DAPK2: variants seen among roughly 807,000 people sequenced by gnomAD.
The protein encoded by DAPK2 is death associated protein kinase 2.
DAPK2 carries 35 observed loss-of-function variants against 44.1 expected under a neutral mutation model. The ratio of observed to expected loss-of-function variants is 0.79; its 90% CI spans 0.61 to 1.05. The LOEUF is 1.05. Among genes scored for constraint, DAPK2 ranks in the 50% least tolerant of loss-of-function variants. The pLI, the probability that DAPK2 is intolerant of heterozygous loss-of-function variation, is 0.00. For missense variants in DAPK2, 453 were observed against 483.2 expected (o/e 0.94, Z 0.59); for synonymous variants, 174 against 182.6 (o/e 0.95, Z 0.38).
intron 1 of DAPK2, among the ~76,000 whole-genome samples, chr15:64,028,755 A>G (rs1452814426): frequency 3.3e-5 from 5 of 152,150 alleles, no homozygotes; most frequent in African/African-American, 1.2e-4. Flanking sequence ...ATACGTAGGT[A>G]GGCAGGTAGA....
intron 1 of DAPK2, among the ~76,000 whole-genome samples, chr15:63,995,030 ATGGC>A (rs1302564367): frequency 6.6e-6 from 1 of 152,176 alleles, no homozygotes; most frequent in Admixed American, 6.5e-5. Flanking sequence ...CTAATTTTAA[ATGGC>A]TGTATAATAT....
chr15:63,994,345 C>T (rs2078891549), intron 1 of DAPK2, among the ~76,000 whole-genome samples: 1 of 151,758 alleles, frequency 6.6e-6, no homozygotes, highest in Non-Finnish European at 1.5e-5. Flanking sequence ...CCTTCATTGG[C>T]AGACTCACTT....
At position 63,911,175 on chromosome 15, in the gene DAPK2, C is replaced by T. The variant is rs191118742; in HGVS notation, c.1032+733G>A. 263 of 150,372 alleles carry T rather than the reference C, an allele frequency of 1.7e-3. 2 individuals carry two copies. Among genetic ancestry groups the T allele is most frequent in the Non-Finnish European group, 3.0e-3 (204 of 68,120 alleles). The allele number at this position is 150,372 out of a possible 1,614,324, so 9.3% of individuals were successfully genotyped here. ...CAGAGGTTGCGGTGAGCCGAGATCGCGCCATTGCACTCCAACCTAAGCAAT... is the reference window on the plus strand; with the variant it reads ...CAGAGGTTGCGGTGAGCCGAGATCGTGCCATTGCACTCCAACCTAAGCAAT... On this transcript the variant is annotated intron_variant, in intron 10 of 10. Transcript: ENST00000261891.
exon 2 of DAPK2, chr15:63,983,636 TCTC>T: frequency 6.2e-7 from 1 of 1,614,150 alleles, no homozygotes; most frequent in Non-Finnish European, 8.5e-7. Flanking sequence ...TCCCGCTCGA[TCTC>T]CTCCCGGCTC....
intron 1 of DAPK2, among the ~76,000 whole-genome samples, chr15:64,019,596 T>C (rs958300688): frequency 6.6e-6 from 1 of 152,238 alleles, no homozygotes; most frequent in Non-Finnish European, 1.5e-5. Context: ...AAAAAGTATA[T>C]GAAAGTACAA....
chr15:63,986,271 A>T (rs1479103946), intron 1 of DAPK2, among the ~76,000 whole-genome samples: 1 of 152,264 alleles, frequency 6.6e-6, no homozygotes, highest in Admixed American at 6.5e-5. Context: ...AATGGGAATC[A>T]GGGTTCCCTG....
chr15:63,986,736 CTGGGGAATTT>C lies in DAPK2; in HGVS notation c.93-2992_93-2983del, dbSNP rs2140882677. 2.0e-5 allele frequency among the ~76,000 whole-genome samples: 3 copies of C among 152,310 alleles called. No individual in the cohort carries two copies. The South Asian group carries it at 6.2e-4, about 32-fold the overall frequency. ...AACCCAGGCCACACATTGATATTGCCTGGGGAATTTTAAAACTCCTAGTGTTTAAGTCTCA... is the reference window on the plus strand; with the variant it reads ...AACCCAGGCCACACATTGATATTGCCTAAAACTCCTAGTGTTTAAGTCTCA... On this transcript the variant is annotated intron_variant, in intron 1 of 10. Coordinates refer to ENST00000261891, the Ensembl canonical transcript of DAPK2.
chr15:64,041,545 C>G (rs767807731), upstream of DAPK2, among the ~76,000 whole-genome samples: 14 of 152,326 alleles, frequency 9.2e-5, no homozygotes, highest in South Asian at 4.1e-4. Context: ...AAGAATAAAA[C>G]CAGCTGCCTG....
chr15:63,956,622 C>T (rs528966167), intron 3 of DAPK2, among the ~76,000 whole-genome samples: 105 of 151,460 alleles, frequency 6.9e-4, no homozygotes, highest in African/African-American at 2.2e-3. Context: ...AGTCGCACTC[C>T]GTCGCCCAGG....
chr15:63,978,846 C>A (rs985109584), intron 2 of DAPK2, among the ~76,000 whole-genome samples: 1 of 152,238 alleles, frequency 6.6e-6, no homozygotes, highest in Non-Finnish European at 1.5e-5. Flanking sequence ...CCCCTTCCTG[C>A]AAATCTGACC....
chr15:63,926,466 C>T (rs1157978994), intron 6 of DAPK2, among the ~76,000 whole-genome samples: 1 of 151,962 alleles, frequency 6.6e-6, no homozygotes, highest in Non-Finnish European at 1.5e-5. Context: ...CACGGTGGCA[C>T]AGATATTTGC....
At chr15:64,034,326 C>T (rs1347239944) in intron 1 of DAPK2, among the ~76,000 whole-genome samples, 1 of 152,162 alleles carries the variant, frequency 6.6e-6, no homozygotes, top group Non-Finnish European at 1.5e-5. Context: ...ACAGATGATC[C>T]CATTGGGAGA....
chr15:63,936,813 C>A (rs930064879), intron 4 of DAPK2, among the ~76,000 whole-genome samples: 1 of 151,448 alleles, frequency 6.6e-6, no homozygotes, highest in Non-Finnish European at 1.5e-5. Context: ...GACCCCACCT[C>A]AAAAAAATTT....
intron 1 of DAPK2, among the ~76,000 whole-genome samples, chr15:63,986,804 C>A (rs1398047531): frequency 6.6e-6 from 1 of 152,182 alleles, no homozygotes; most frequent in Non-Finnish European, 1.5e-5. Flanking sequence ...GGGTCTGGGC[C>A]TGAAGATGGG....
intron 2 of DAPK2, among the ~76,000 whole-genome samples, chr15:63,973,931 C>G (rs910809726): frequency 6.6e-6 from 1 of 152,194 alleles, no homozygotes; most frequent in Non-Finnish European, 1.5e-5. Flanking sequence ...CTGAGCAAGA[C>G]AGCCCCAAAG....
chr15:64,038,237 C>G (rs1183438521), intron 1 of DAPK2, among the ~76,000 whole-genome samples: 1 of 152,104 alleles, frequency 6.6e-6, no homozygotes, highest in African/African-American at 2.4e-5. Flanking sequence ...GGGTGGAGCT[C>G]CAGGAGGGCA....
intron 4 of DAPK2, chr15:63,936,021 T>A (rs1365215558): frequency 6.6e-6 from 1 of 152,266 alleles, no homozygotes; most frequent in Non-Finnish European, 1.5e-5. Flanking sequence ...CTCATTCTTG[T>A]GAGTCTACCT....
chr15:63,945,602 C>T (rs1442090129), intron 3 of DAPK2, among the ~76,000 whole-genome samples: 2 of 152,248 alleles, frequency 1.3e-5, no homozygotes, highest in East Asian at 3.9e-4. Flanking sequence ...CTTCCACCCT[C>T]CCCAAATAGA....
intron 1 of DAPK2, among the ~76,000 whole-genome samples, chr15:63,998,362 T>C (rs1192385258): frequency 1.3e-5 from 2 of 152,138 alleles, no homozygotes; most frequent in Non-Finnish European, 2.9e-5. Flanking sequence ...AGGTCCAGGC[T>C]TTCCCTCTGG....
Sources: gnomAD v4.1 joint callset for allele counts (sites outside exome capture counted in the v4.1 genomes callset) on GRCh38, gnomAD v4.1.1 for gene constraint, MANE v1.5 for transcripts, NCBI Gene and HGNC (gene_info 2026-07-23, HGNC 2026-07-21) for gene names.